The following SFXN5 variants were observed in gnomAD, a reference collection of about 807,000 sequenced individuals.
SFXN5 encodes the protein sideroflexin-5.
In SFXN5, 43 loss-of-function variants were observed where a neutral mutation model predicts 50.2. The ratio of observed to expected loss-of-function variants is 0.86; its 90% CI spans 0.67 to 1.11. The LOEUF (loss-of-function observed/expected upper bound fraction) is 1.11, where lower values mean the gene tolerates loss of function less well. Ranked by LOEUF, SFXN5 falls within the 50% of genes least tolerant of loss-of-function variation. The probability of loss-of-function intolerance (pLI) is 0.00; values close to 1 mark genes in which losing one functional copy is unlikely to be tolerated. For synonymous variants in SFXN5, 203 were observed against 185.8 expected, an observed-to-expected ratio of 1.09 and a Z score of -0.75; for missense variants, 463 against 454.1, an observed-to-expected ratio of 1.02 and a Z score of -0.18.
intron 12 of SFXN5, among the ~76,000 whole-genome samples, chr2:72,966,294 T>C (rs1024329636): frequency 3.3e-5 from 5 of 152,198 alleles, no homozygotes; most frequent in Non-Finnish European, 5.9e-5. Flanking sequence ...GAGTAAGCAC[T>C]GCTCACTGAA....
Position 72,961,292 on chromosome 2 carries a change from G to T in SFXN5, c.828-44C>A. The T allele has an allele frequency of 7.1e-7, 1 of 1,399,948 alleles. No homozygotes were observed. The highest frequency in any genetic ancestry group is 9.5e-7 in the Non-Finnish European group (1 of 1,058,066). The allele number at this position is 1,399,948 out of a possible 1,614,324, so 86.7% of individuals were successfully genotyped here. A position where few individuals can be genotyped will look rare whatever the true frequency, so the allele number is the denominator to read the frequency against. ...GGAGCCCCATGAGACCCGAAGGTGG[G>T]GTGGGCTGGCTGCCAGCCACCATGC... On this transcript the variant is annotated intron_variant, in intron 12 of 13. Transcript: ENST00000272433. This position sits in a 1 kb window ranked among gnomAD's most constrained non-coding sequence, Gnocchi z 4.4.
intron 9 of SFXN5, among the ~76,000 whole-genome samples, chr2:72,995,217 A>G (rs573798909): frequency 6.6e-6 from 1 of 152,356 alleles, no homozygotes; most frequent in South Asian, 2.1e-4. Flanking sequence ...GGCCGCCCAC[A>G]GAAGTGCTTA....
intron 13 of SFXN5, among the ~76,000 whole-genome samples, chr2:72,958,872 T>G (rs1673395023): frequency 6.6e-6 from 1 of 152,062 alleles, no homozygotes; most frequent in Non-Finnish European, 1.5e-5. Flanking sequence ...AATCTTGGTG[T>G]GCGTTGAATG....
At chr2:73,008,658 C>T (rs1357236693) in intron 6 of SFXN5, among the ~76,000 whole-genome samples, 1 of 152,170 alleles carries the variant, frequency 6.6e-6, no homozygotes, top group Non-Finnish European at 1.5e-5. Flanking sequence ...AAGAAGCAAC[C>T]ACGCTGGCGG....
intron 13 of SFXN5, among the ~76,000 whole-genome samples, chr2:72,946,449 C>T (rs1020914290): frequency 2.0e-5 from 3 of 152,208 alleles, no homozygotes; most frequent in Admixed American, 6.5e-5. Context: ...GCATGCTCCT[C>T]GGGGTCCTTG....
intron 5 of SFXN5, 22 bp from the exon 6 acceptor site, chr2:73,020,286 TC>T (rs1310143150): frequency 6.2e-7 from 1 of 1,612,940 alleles, no homozygotes; most frequent in Non-Finnish European, 8.5e-7. Flanking sequence ...AAGAAAAGAG[TC>T]AGGCCTTATA....
In SFXN5 at chr2:73,020,085, G is replaced by GT. The variant is rs570149232; in HGVS notation, c.357+153dup. The stretch of plus-strand genomic sequence containing the variant: ...TTGCCAATCAGCATCAAGAGATGTG[G>GT]TAAGAAATACATATCATTTTATTTG... On this transcript the variant is annotated intron_variant, in intron 6 of 13. Coordinates refer to ENST00000272433, the MANE Select transcript of SFXN5 (RefSeq NM_144579.3). 4.1e-4 allele frequency: 281 copies of GT among 678,296 alleles called. 2 individuals carry two copies. In the African/African-American group the frequency reaches 4.6e-3, roughly 11 times the overall value. The allele number at this position is 678,296 out of a possible 1,614,324, so 42.0% of individuals were successfully genotyped here.
chr2:72,992,145 C>T lies in SFXN5; in HGVS notation c.535-3797G>A, dbSNP rs1027647840. Among the ~76,000 whole-genome samples, 2 of 152,212 alleles carry T rather than the reference C, an allele frequency of 1.3e-5. No homozygotes were observed. The highest frequency in any genetic ancestry group is 6.5e-5 in the Admixed American group (1 of 15,282). On this transcript the variant is annotated intron_variant, in intron 9 of 13. Coordinates refer to ENST00000272433, the MANE Select transcript of SFXN5 (RefSeq NM_144579.3). The surrounding 1 kb of genome is among the most constrained non-coding windows in gnomAD (Gnocchi z 4.5). Reference sequence around the variant, plus strand: ...ACCACCTATCTCCAAGGTCTGGCTACTGGGCCAGTGAATTTGCCATGAGCA... The same window carrying T: ...ACCACCTATCTCCAAGGTCTGGCTATTGGGCCAGTGAATTTGCCATGAGCA...
intron 13 of SFXN5, among the ~76,000 whole-genome samples, chr2:72,952,169 G>A (rs1232478021): frequency 2.0e-5 from 3 of 152,168 alleles, no homozygotes; most frequent in Non-Finnish European, 4.4e-5. Flanking sequence ...GGCCTTCTGG[G>A]ACTTTTTCCA....
intron 7 of SFXN5, 152 bp from the exon 8 acceptor site, chr2:73,000,639 A>T: frequency 1.4e-6 from 1 of 737,506 alleles, no homozygotes; most frequent in Non-Finnish European, 2.2e-6. Context: ...AGCATGACTG[A>T]CCGTCCTGGT....
rs1247453121 is a variant in SFXN5, at chr2:72,973,631, G to A, written c.626-1946C>T. On this transcript the variant is annotated intron_variant, in intron 10 of 13. Coordinates refer to ENST00000272433, the MANE Select transcript of SFXN5 (RefSeq NM_144579.3). This position sits in a 1 kb window ranked among gnomAD's most constrained non-coding sequence, Gnocchi z 5.5. Reference sequence around the variant, plus strand: ...GGTTAGCAGGGCATGACCAGGAGGGGATGGGAGCCTGGGTTTGGGGCCATC... The same window carrying A: ...GGTTAGCAGGGCATGACCAGGAGGGAATGGGAGCCTGGGTTTGGGGCCATC... Among the ~76,000 whole-genome samples the A allele has an allele frequency of 1.3e-5, 2 of 152,184 alleles. No individual in the cohort carries two copies. Among genetic ancestry groups the A allele is most frequent in the African/African-American group, 2.4e-5 (1 of 41,438 alleles).
chr2:73,061,067 G>A (rs1682751419), intron 1 of SFXN5, among the ~76,000 whole-genome samples: 1 of 150,700 alleles, frequency 6.6e-6, no homozygotes, highest in South Asian at 2.2e-4. Flanking sequence ...TGTAATCCCA[G>A]CACTCTGGGA....
Position 72,998,961 on chromosome 2 carries a change from G to T in SFXN5, c.522C>A (p.Ala174=), listed in dbSNP as rs12233055. The T allele has an allele frequency of 6.2e-7, 1 of 1,613,744 alleles. No homozygotes were observed. Among genetic ancestry groups the T allele is most frequent in the Non-Finnish European group, 8.5e-7 (1 of 1,179,862 alleles). ...IQGYLGAVIS[A]VSIAVGLNVL... Reference sequence around the variant, plus strand: ...AGGGAGTACTCACAGCAATGGAGACGGCGCTGATGACAGCTCCCAGGTATC... The same window carrying T: ...AGGGAGTACTCACAGCAATGGAGACTGCGCTGATGACAGCTCCCAGGTATC... Residue 174 remains alanine, a synonymous_variant, in exon 9 of 14, where the codon GCC becomes GCA. Transcript: ENST00000272433.
chr2:72,970,562 C>A (rs1346638466), intron 11 of SFXN5, among the ~76,000 whole-genome samples: 1 of 152,082 alleles, frequency 6.6e-6, no homozygotes, highest in Admixed American at 6.5e-5. Context: ...ACGGCTCCCC[C>A]CTAGCACCCA....
Position 72,960,591 on chromosome 2 carries a change from G to A in SFXN5, c.945+540C>T, listed in dbSNP as rs1160976995. On this transcript the variant is annotated intron_variant, in intron 13 of 13. Coordinates refer to ENST00000272433, the MANE Select transcript of SFXN5 (RefSeq NM_144579.3). The surrounding 1 kb of genome is among the most constrained non-coding windows in gnomAD (Gnocchi z 6.1). ...AGGCATCTGTGGTCTGCCCTGCACA[G>A]CCCTTAGGAGGACATTCACCCTCTC... Among the ~76,000 whole-genome samples the A allele has an allele frequency of 3.3e-5, 5 of 152,104 alleles. No individual in the cohort carries two copies. Among genetic ancestry groups the A allele is most frequent in the African/African-American group, 7.2e-5 (3 of 41,394 alleles).
chr2:73,040,156 CAT>C lies in SFXN5; in HGVS notation c.249+696_249+697del, dbSNP rs1242699189. Among the ~76,000 whole-genome samples, 10 of 152,278 alleles carry C rather than the reference CAT, an allele frequency of 6.6e-5. 1 individual carries two copies. The highest frequency in any genetic ancestry group is 3.9e-4 in the East Asian group (2 of 5,174). On this transcript the variant is annotated intron_variant, in intron 3 of 13. Transcript: ENST00000272433. ...TATTTGACTTCTTGAATTATGCACA[CAT>C]GACTTTGAAAATGTTTAAATTAATG...
chr2:72,956,501 C>T (rs914652106), intron 13 of SFXN5, among the ~76,000 whole-genome samples: 1 of 152,172 alleles, frequency 6.6e-6, no homozygotes, highest in Non-Finnish European at 1.5e-5. Flanking sequence ...AAGTGGGCCT[C>T]CTCTTTCTAT....
At chr2:72,994,889 C>T (rs943874939) in intron 9 of SFXN5, 2 of 152,642 alleles carry the variant, frequency 1.3e-5, no homozygotes, top group African/African-American at 2.4e-5. Flanking sequence ...TGGTCATGCT[C>T]TCCTGTGCAC....
intron 13 of SFXN5, among the ~76,000 whole-genome samples, chr2:72,958,629 T>A (rs779994674): frequency 6.6e-6 from 1 of 152,100 alleles, no homozygotes; most frequent in Non-Finnish European, 1.5e-5. Flanking sequence ...CTCAGGCTGA[T>A]TGCACAGACA....
Sources: allele counts gnomAD v4.1 joint callset (sites outside exome capture counted in the v4.1 genomes callset), GRCh38; gene constraint gnomAD v4.1.1; non-coding constraint Gnocchi (gnomAD v3.1); transcripts MANE v1.5; gene names NCBI Gene and HGNC (gene_info 2026-07-23, HGNC 2026-07-21).